Variants in SH2D3C observed in about 807,000 individuals in gnomAD.
SH2D3C encodes the protein SH2 domain containing 3C, also known as SH2 domain-containing protein 3C.
SH2D3C carries 25 observed loss-of-function variants against 75.2 expected under a neutral mutation model. The ratio of observed to expected loss-of-function variants is 0.33; its 90% confidence interval spans 0.24 to 0.46. The LOEUF (loss-of-function observed/expected upper bound fraction) is 0.46. Ranked by LOEUF, SH2D3C falls within the 20% of genes least tolerant of loss-of-function variation. The pLI is 1.00. For synonymous variants in SH2D3C, 450 were observed against 473.7 expected (o/e 0.95, Z 0.65); for missense variants, 933 against 1,165.3 (o/e 0.80, Z 2.90).
chr9:127,748,465 C>T (rs991021141), intron 5 of SH2D3C, among the ~76,000 whole-genome samples: 2 of 152,186 alleles, frequency 1.3e-5, no homozygotes, highest in East Asian at 3.8e-4. Context: ...CCAGGGAAAC[C>T]ACAGAAACTT....
chr9:127,757,630 G>GATTATTATTATT (rs1491252899), intron 3 of SH2D3C, among the ~76,000 whole-genome samples: 8 of 76,360 alleles, frequency 1.0e-4, no homozygotes, highest in East Asian at 1.6e-3. Context: ...TGATGATGAT[G>GATTATTATTATT]ATGATGATGA....
intron 10 of SH2D3C, 82 bp downstream of exon 10, chr9:127,740,176 C>T: frequency 7.0e-6 from 8 of 1,150,364 alleles, no homozygotes; most frequent in Non-Finnish European, 9.1e-6. Context: ...CTCAGCCAGG[C>T]TGTCATCACT....
At chr9:127,740,046 T>G (rs1844807775) in intron 10 of SH2D3C, among the ~76,000 whole-genome samples, 158 bp from the exon 11 acceptor site, 1 of 152,106 alleles carries the variant, frequency 6.6e-6, no homozygotes, top group African/African-American at 2.4e-5. Context: ...TTCTTTCGGA[T>G]TCCCCCAACT....
At chr9:127,771,160 T>C in intron 2 of SH2D3C, 1 of 1,512,042 alleles carries the variant, frequency 6.6e-7, no homozygotes, top group Non-Finnish European at 8.9e-7. Flanking sequence ...CCGCTGGCCC[T>C]CCCCAGGCCC....
intron 2 of SH2D3C, among the ~76,000 whole-genome samples, chr9:127,772,174 C>G (rs529491483): frequency 2.0e-5 from 3 of 150,374 alleles, no homozygotes; most frequent in African/African-American, 7.4e-5. Flanking sequence ...AGAAAGTTAC[C>G]AGAAAAAAAC....
At chr9:127,778,303 AAAG>A (rs1240861465) in intron 1 of SH2D3C, among the ~76,000 whole-genome samples, 2 of 151,912 alleles carry the variant, frequency 1.3e-5, no homozygotes, top group African/African-American at 2.4e-5. Flanking sequence ...AAAAAAAAAA[AAAG>A]ATTTAATTGT....
At chr9:127,760,111 C>T (rs914280523) in intron 3 of SH2D3C, among the ~76,000 whole-genome samples, 4 of 151,560 alleles carry the variant, frequency 2.6e-5, no homozygotes, top group Admixed American at 6.6e-5. Context: ...AGAGACAGAG[C>T]GAGATCTTTT....
Position 127,749,600 on chromosome 9 carries a change from G to T in SH2D3C, c.750C>A (p.Gly250=). ...FLIRDSLTSL[G]DYVLTCRWRN... Reference sequence around the variant, plus strand: ...GCCAGCGGCACGTGAGCACATAGTCGCCCAGGCTGGTGAGTGAGTCCCGGA... The same window carrying T: ...GCCAGCGGCACGTGAGCACATAGTCTCCCAGGCTGGTGAGTGAGTCCCGGA... The change falls in exon 5 of 12, where the codon GGC becomes GGA. Residue 250 remains glycine, a synonymous_variant. Transcript: ENST00000314830. The surrounding 1 kb of genome is among the most constrained non-coding windows in gnomAD (Gnocchi z 5.9). 6.3e-7 allele frequency: 1 copy of T among 1,599,394 alleles called. No homozygotes were observed.
In SH2D3C at chr9:127,757,629, TGATGATG is replaced by T. The variant is rs1564419777; in HGVS notation, c.555+3975_555+3981del. Among the ~76,000 whole-genome samples, 271 of 124,178 alleles carry T rather than the reference TGATGATG, an allele frequency of 2.2e-3. 1 individual carries two copies. The highest frequency in any genetic ancestry group is 4.0e-3 in the African/African-American group (135 of 33,412). The allele number at this position is 124,178 out of a possible 152,430, so 81.5% of individuals were successfully genotyped here. On this transcript the variant is annotated intron_variant, in intron 3 of 11. Transcript: ENST00000314830. ...ATGATGATGATGATGATGATGATGATGATGATGATGATGATGATTATTATTATTATTA... is the reference window on the plus strand; with the variant it reads ...ATGATGATGATGATGATGATGATGATATGATGATGATTATTATTATTATTA...
Position 127,774,874 on chromosome 9 carries a change from G to A in SH2D3C, c.38-407C>T, listed in dbSNP as rs956496235. Among the ~76,000 whole-genome samples the A allele has an allele frequency of 6.6e-5, 10 of 152,178 alleles. No individual in the cohort carries two copies. The highest frequency in any genetic ancestry group is 1.2e-4 in the Non-Finnish European group (8 of 68,022). ...GGAGGCCGAGGCGGGTGGATCACCT[G>A]AGGTCAGGAGTTCGAGACCAGCCTG... On this transcript the variant is annotated intron_variant, in intron 1 of 11. Coordinates refer to ENST00000314830, the MANE Select transcript of SH2D3C (RefSeq NM_170600.3). This position sits in a 1 kb window ranked among gnomAD's most constrained non-coding sequence, Gnocchi z 4.3.
chr9:127,745,166 C>G (rs1401018863), intron 6 of SH2D3C, 67 bp from the exon 7 acceptor site: 1 of 1,341,942 alleles, frequency 7.5e-7, no homozygotes, highest in Non-Finnish European at 9.8e-7. Flanking sequence ...TCCCGCACCC[C>G]TTCCCAAAGA....
chr9:127,776,146 A>T (rs1309113177), intron 1 of SH2D3C, among the ~76,000 whole-genome samples: 4 of 152,164 alleles, frequency 2.6e-5, no homozygotes, highest in Non-Finnish European at 4.4e-5. Context: ...ATAATAATTT[A>T]AAAATTTCTG....
intron 3 of SH2D3C, among the ~76,000 whole-genome samples, chr9:127,757,210 C>T (rs889759920): frequency 2.0e-5 from 3 of 151,256 alleles, no homozygotes; most frequent in African/African-American, 7.3e-5. Context: ...CATAAGCCAC[C>T]GTGCCCAGCC....
In SH2D3C at chr9:127,751,412, C is replaced by A; in HGVS notation, c.556-112G>T. ...CTCCTATCCTGGGACTCTGGGAACACTAAGGCACAGGTGCCAGACCCTTTC... is the reference window on the plus strand; with the variant it reads ...CTCCTATCCTGGGACTCTGGGAACAATAAGGCACAGGTGCCAGACCCTTTC... On this transcript the variant is annotated intron_variant, in intron 3 of 11. Coordinates refer to ENST00000314830, the MANE Select transcript of SH2D3C (RefSeq NM_170600.3). This position sits in a 1 kb window ranked among gnomAD's most constrained non-coding sequence, Gnocchi z 4.1. 1 of 1,051,856 alleles carries A rather than the reference C, an allele frequency of 9.5e-7. No homozygotes were observed. Among genetic ancestry groups the A allele is most frequent in the Non-Finnish European group, 1.4e-6 (1 of 699,994 alleles). The allele number at this position is 1,051,856 out of a possible 1,614,324, so 65.2% of individuals were successfully genotyped here.
chr9:127,763,227 T>C (rs1414026492), intron 2 of SH2D3C, among the ~76,000 whole-genome samples: 1 of 152,236 alleles, frequency 6.6e-6, no homozygotes, highest in African/African-American at 2.4e-5. Context: ...CCACCTTGAA[T>C]AGTCCCTCAT....
In SH2D3C at chr9:127,754,905, C is replaced by G; in HGVS notation, c.556-3605G>C. 1 of 515,160 alleles carries G rather than the reference C, an allele frequency of 1.9e-6. No individual in the cohort carries two copies. Among genetic ancestry groups the G allele is most frequent in the Non-Finnish European group, 3.9e-6 (1 of 258,864 alleles). 31.9% of individuals were successfully genotyped at this position (515,160 alleles called of 1,614,324 possible). Reference sequence around the variant, plus strand: ...CTCACCCCGCGGAGCGCCTGGGCGCCCAGAGGTGAGGCTGGGGTGACCCCG... The same window carrying G: ...CTCACCCCGCGGAGCGCCTGGGCGCGCAGAGGTGAGGCTGGGGTGACCCCG... On this transcript the variant is annotated intron_variant, in intron 3 of 11. Coordinates refer to ENST00000314830, the MANE Select transcript of SH2D3C (RefSeq NM_170600.3). This position sits in a 1 kb window ranked among gnomAD's most constrained non-coding sequence, Gnocchi z 4.4.
At chr9:127,746,224 G>A (rs1257496004) in intron 6 of SH2D3C, among the ~76,000 whole-genome samples, 1 of 152,190 alleles carries the variant, frequency 6.6e-6, no homozygotes, top group African/African-American at 2.4e-5. Flanking sequence ...GTGGCTCTGT[G>A]TTTAGGGAAG....
At chr9:127,763,489 A>G (rs1223293633) in intron 2 of SH2D3C, among the ~76,000 whole-genome samples, 2 of 152,194 alleles carry the variant, frequency 1.3e-5, no homozygotes, top group African/African-American at 2.4e-5. Flanking sequence ...ACGCTGAGGC[A>G]GGAGAATCAC....
At chr9:127,771,388 G>C in intron 2 of SH2D3C, 1 of 1,321,666 alleles carries the variant, frequency 7.6e-7, no homozygotes. Context: ...CTCCTTGCCC[G>C]GCCCCACTCC....
Sources: allele counts gnomAD v4.1 joint callset (sites outside exome capture counted in the v4.1 genomes callset), GRCh38; gene constraint gnomAD v4.1.1; non-coding constraint Gnocchi (gnomAD v3.1); transcripts MANE v1.5; gene names NCBI Gene and HGNC (gene_info 2026-07-23, HGNC 2026-07-21).